CASP10: variants seen among roughly 807,000 people sequenced by gnomAD.
CASP10 encodes caspase-10.
In CASP10, 41 loss-of-function variants were observed where a neutral mutation model predicts 48.5. The ratio of observed to expected loss-of-function variants is 0.85; its 90% CI spans 0.66 to 1.10. CASP10 has a LOEUF of 1.10. Ranked by LOEUF, CASP10 falls within the 50% of genes least tolerant of loss-of-function variation. The pLI, the probability that CASP10 is intolerant of heterozygous loss-of-function variation, is 0.00. For synonymous variants in CASP10, 232 were observed against 238.4 expected, an observed-to-expected ratio of 0.97 and a Z score of 0.25; for missense variants, 614 against 614.5, an observed-to-expected ratio of 1.00 and a Z score of 0.01.
downstream of CASP10, among the ~76,000 whole-genome samples, chr2:201,222,337 C>T (rs1351179519): frequency 6.6e-6 from 1 of 151,984 alleles, no homozygotes; most frequent in African/African-American, 2.4e-5. Flanking sequence ...CTGCCTCCGC[C>T]TCCTGAGTAG....
chr2:201,192,812 C>A (rs1425954305), intron 3 of CASP10, among the ~76,000 whole-genome samples, 172 bp from the exon 4 acceptor site: 1 of 152,122 alleles, frequency 6.6e-6, no homozygotes, highest in Non-Finnish European at 1.5e-5. Flanking sequence ...AGATTGTATA[C>A]AGATTTGCTT....
intron 4 of CASP10, among the ~76,000 whole-genome samples, chr2:201,194,222 G>A (rs893225057): frequency 2.6e-5 from 4 of 151,858 alleles, no homozygotes; most frequent in South Asian, 2.1e-4. Context: ...GTGTCAGTAC[G>A]CTAAATATCT....
chr2:201,194,543 A>C (rs532198984), intron 4 of CASP10, among the ~76,000 whole-genome samples: 25 of 152,248 alleles, frequency 1.6e-4, no homozygotes, highest in African/African-American at 6.0e-4. Context: ...TCAAATTATC[A>C]AATGAGAAAT....
intron 9 of CASP10, among the ~76,000 whole-genome samples, chr2:201,210,475 C>T (rs1945357849): frequency 6.6e-6 from 1 of 152,186 alleles, no homozygotes; most frequent in South Asian, 2.1e-4. Context: ...TCTGTTTAGC[C>T]CTTGGACCTC....
In CASP10 at chr2:201,218,692, C is replaced by T; in HGVS notation, c.*951C>T. 1 of 985,318 alleles carries T rather than the reference C, an allele frequency of 1.0e-6. No homozygotes were observed. The highest frequency in any genetic ancestry group is 1.2e-6 in the Non-Finnish European group (1 of 829,916). 61.0% of individuals were successfully genotyped at this position (985,318 alleles called of 1,614,324 possible). A position where few individuals can be genotyped will look rare whatever the true frequency, so the allele number is the denominator to read the frequency against. On this transcript the variant is annotated 3_prime_UTR_variant, in exon 10 of 10. Transcript: ENST00000286186. ...TTAGATTGCCTCTCTAGACAACTAC[C>T]CCTTAGTTATAATTCTGTGTCCCCT...
chr2:201,205,879 T>C lies in CASP10; in HGVS notation c.722-3T>C, dbSNP rs753628774. 1.1e-5 allele frequency: 18 copies of C among 1,576,266 alleles called. No homozygotes were observed. In the South Asian group the frequency reaches 1.8e-4, roughly 16 times the overall value. On this transcript the variant is annotated splice_region_variant and splice_polypyrimidine_tract_variant and intron_variant, in intron 6 of 9. Coordinates refer to ENST00000286186, the MANE Select transcript of CASP10 (RefSeq NM_032977.4). Reference sequence around the variant, plus strand: ...TTTGGAGTCTGAGTACCTCTCTTTCTAGGTAACAGAGCCACAAATGGTGCA... The same window carrying C: ...TTTGGAGTCTGAGTACCTCTCTTTCCAGGTAACAGAGCCACAAATGGTGCA...
rs769791911 is a variant in CASP10 at position 201,187,814 on chromosome 2, C to T, written c.441+15C>T. ...AAACTGAAATGGTGAGTGGGTCATA[C>T]AGAATGGGTCTGTGTGAGCACTGTC... On this transcript the variant is annotated intron_variant, in intron 3 of 9. Transcript: ENST00000286186. 6.4e-7 allele frequency: 1 copy of T among 1,563,958 alleles called. No individual in the cohort carries two copies. The highest frequency in any genetic ancestry group is 2.2e-5 in the East Asian group (1 of 44,658).
intron 9 of CASP10, among the ~76,000 whole-genome samples, chr2:201,228,529 G>A (rs1394495685): frequency 6.6e-6 from 1 of 152,086 alleles, no homozygotes; most frequent in Non-Finnish European, 1.5e-5. Context: ...CCAGCCCTTG[G>A]GTTTAGCCAC....
rs970429964 is a variant in CASP10 at position 201,196,106 on chromosome 2, A to G, written c.684+158A>G. ...GGTGATTGCAAGTAAACAACATGAT[A>G]TCAACCAGAGTGCACATTTTCTGAA... is the stretch of plus-strand genomic sequence containing the variant. On this transcript the variant is annotated intron_variant, in intron 5 of 9. Transcript: ENST00000286186. 9 of 610,458 alleles carry G rather than the reference A, an allele frequency of 1.5e-5. No homozygotes were observed. The Admixed American group carries it at 2.6e-4, about 18-fold the overall frequency. The allele number at this position is 610,458 out of a possible 1,614,324, so 37.8% of individuals were successfully genotyped here. A position where few individuals can be genotyped will look rare whatever the true frequency, so the allele number is the denominator to read the frequency against.
chr2:201,187,013 T>G (rs1042786151), intron 2 of CASP10, among the ~76,000 whole-genome samples: 1 of 152,222 alleles, frequency 6.6e-6, no homozygotes, highest in Non-Finnish European at 1.5e-5. Flanking sequence ...AATTGTTCAC[T>G]GACATAGTGT....
At chr2:201,190,288 G>A (rs879851763) in intron 3 of CASP10, among the ~76,000 whole-genome samples, 53 of 151,772 alleles carry the variant, frequency 3.5e-4, no homozygotes, top group Non-Finnish European at 5.9e-4. Flanking sequence ...ATACACATAT[G>A]TATACACACA....
chr2:201,225,375 G>A (rs1043507969), downstream of CASP10, among the ~76,000 whole-genome samples: 1 of 152,192 alleles, frequency 6.6e-6, no homozygotes, highest in African/African-American at 2.4e-5. Flanking sequence ...GGATGTGGCT[G>A]GGGTAAAAAC....
Position 201,219,506 on chromosome 2 carries a change from C to T in CASP10, c.*1765C>T. 1.0e-6 allele frequency: 1 copy of T among 985,400 alleles called. No individual in the cohort carries two copies. Among genetic ancestry groups the T allele is most frequent in the Non-Finnish European group, 1.2e-6 (1 of 829,944 alleles). The allele number at this position is 985,400 out of a possible 1,614,324, so 61.0% of individuals were successfully genotyped here. A position where few individuals can be genotyped will look rare whatever the true frequency, so the allele number is the denominator to read the frequency against. ...GCAGTAGACTGCAGTGGACAGTCCC[C>T]ACCTTGTTACTGCTACTACACTTTG... On this transcript the variant is annotated 3_prime_UTR_variant, in exon 10 of 10. Transcript: ENST00000286186.
chr2:201,187,718 C>T lies in CASP10; in HGVS notation c.360C>T (p.Tyr120=), dbSNP rs776326308. The part of the protein sequence containing the change: ...QRVSLFRNLL[Y]ELSEGIDSEN... ...GTGTGTGTCTTAGAAACCTGCTCTA[C>T]GAACTGTCAGAAGGCATTGACTCAG... The change falls in exon 3 of 10, where the codon TAC becomes TAT. Residue 120 remains tyrosine (Y), a synonymous_variant. Transcript: ENST00000286186. 1.3e-5 allele frequency: 21 copies of T among 1,613,550 alleles called. No individual in the cohort carries two copies. The highest frequency in any genetic ancestry group is 1.6e-4 in the Middle Eastern group (1 of 6,084).
At position 201,220,228 on chromosome 2, in the gene CASP10, G is replaced by C. The variant is rs2126064876; in HGVS notation, c.*2487G>C. The stretch of plus-strand genomic sequence containing the variant: ...ACTTTAAGTTCCAGTTCCCTTTCTA[G>C]CCTCATGCATTTCAAGGAAATCACT... On this transcript the variant is annotated 3_prime_UTR_variant, in exon 10 of 10. Coordinates refer to ENST00000286186, the MANE Select transcript of CASP10 (RefSeq NM_032977.4). 1.3e-6 allele frequency: 1 copy of C among 796,064 alleles called. No homozygotes were observed. Among genetic ancestry groups the C allele is most frequent in the South Asian group, 5.7e-5 (1 of 17,476 alleles). The allele number at this position is 796,064 out of a possible 1,614,324, so 49.3% of individuals were successfully genotyped here. A position where few individuals can be genotyped will look rare whatever the true frequency, so the allele number is the denominator to read the frequency against.
At chr2:201,207,780 G>A (rs1042013089) in intron 7 of CASP10, among the ~76,000 whole-genome samples, 3 of 151,548 alleles carry the variant, frequency 2.0e-5, no homozygotes, top group Non-Finnish European at 4.4e-5. Context: ...AATTATCTGG[G>A]GGTGTTGGTG....
chr2:201,219,242 C>A lies in CASP10; in HGVS notation c.*1501C>A. 2 of 199,950 alleles carry A rather than the reference C, an allele frequency of 1.0e-5. No homozygotes were observed. Among genetic ancestry groups the A allele is most frequent in the Non-Finnish European group, 1.8e-5 (2 of 111,722 alleles). The allele number at this position is 199,950 out of a possible 1,614,324, so 12.4% of individuals were successfully genotyped here. A position where few individuals can be genotyped will look rare whatever the true frequency, so the allele number is the denominator to read the frequency against. On this transcript the variant is annotated 3_prime_UTR_variant, in exon 10 of 10. Transcript: ENST00000286186. The stretch of plus-strand genomic sequence containing the variant: ...CCAAGATGACACAACTGCACTCCAG[C>A]TTGGGCAACAGGGCGAGACCTTGTT...
At position 201,217,659 on chromosome 2, in the gene CASP10, C is replaced by A; in HGVS notation, c.1487C>A (p.Thr496Lys). 1 of 1,614,192 alleles carries A rather than the reference C, an allele frequency of 6.2e-7. No individual in the cohort carries two copies. The highest frequency in any genetic ancestry group is 8.5e-7 in the Non-Finnish European group (1 of 1,180,020). Residue 496 changes from threonine (T) to lysine (K), a missense_variant, in exon 10 of 10, where the codon ACA (threonine) becomes AAA (lysine). Physicochemically the swap from Thr to Lys is moderately conservative, Grantham distance 78 (BLOSUM62 -1). Transcript: ENST00000286186. ...DVSRRVDKQGTKKQMPQPAFT... is the reference protein window; with the variant it reads ...DVSRRVDKQGKKKQMPQPAFT... ...AGTCGAAGAGTGGACAAACAGGGAA[C>A]AAAGAAACAGATGCCCCAGCCTGCT...
intron 9 of CASP10, among the ~76,000 whole-genome samples, chr2:201,216,860 T>C (rs983192938): frequency 3.9e-5 from 6 of 152,230 alleles, no homozygotes; most frequent in Non-Finnish European, 7.4e-5. Flanking sequence ...TCCAGTGATA[T>C]GTATTGCCTA....
Sources: gnomAD v4.1 joint callset for allele counts (sites outside exome capture counted in the v4.1 genomes callset) on GRCh38, gnomAD v4.1.1 for gene constraint, MANE v1.5 for transcripts, NCBI Gene and HGNC (gene_info 2026-07-23, HGNC 2026-07-21) for gene names.